HIPK2: variants seen among roughly 807,000 people sequenced by gnomAD.
HIPK2 encodes homeodomain interacting protein kinase 2.
Under a neutral mutation model 113.7 loss-of-function variants are expected in HIPK2, and 27 were observed. That is an observed-to-expected ratio of 0.24 (90% CI 0.17 to 0.33). The LOEUF is 0.33. Ranked by LOEUF, HIPK2 falls within the 10% of genes least tolerant of loss-of-function variation. HIPK2 has a pLI of 1.00. For synonymous variants in HIPK2, 631 were observed against 642.2 expected (o/e 0.98, Z 0.26); for missense variants, 1,257 against 1,588.0 (o/e 0.79, Z 3.54).
chr7:139,700,866 A>C (rs1293626399), intron 2 of HIPK2, among the ~76,000 whole-genome samples: 4 of 152,236 alleles, frequency 2.6e-5, no homozygotes, highest in African/African-American at 9.6e-5. Context: ...AGCCATGCAC[A>C]TAGTAGGTAT....
intron 1 of HIPK2, among the ~76,000 whole-genome samples, chr7:139,720,663 T>C (rs955446611): frequency 6.6e-6 from 1 of 152,348 alleles, no homozygotes; most frequent in Non-Finnish European, 1.5e-5. Flanking sequence ...GTATACAATA[T>C]AGAAATGACC....
chr7:139,748,188 ATCT>A (rs1287899466), intron 1 of HIPK2, among the ~76,000 whole-genome samples: 1 of 152,206 alleles, frequency 6.6e-6, no homozygotes, highest in Non-Finnish European at 1.5e-5. Flanking sequence ...TGGTCTGCCC[ATCT>A]GAGCCGCTTC....
chr7:139,651,776 T>C (rs1413310681), intron 2 of HIPK2, among the ~76,000 whole-genome samples: 2 of 152,222 alleles, frequency 1.3e-5, no homozygotes, highest in Non-Finnish European at 2.9e-5. Context: ...TCTTAGAACT[T>C]ACAAGGAATG....
chr7:139,586,835 A>G (rs960513299), intron 12 of HIPK2, among the ~76,000 whole-genome samples: 1 of 152,192 alleles, frequency 6.6e-6, no homozygotes, highest in African/African-American at 2.4e-5. Flanking sequence ...CCAGACACAA[A>G]AGGACAAATA....
Position 139,680,624 on chromosome 7 carries a change from G to T in HIPK2, c.1103+35308C>A, listed in dbSNP as rs565185490. Among the ~76,000 whole-genome samples, 10 of 152,344 alleles carry T rather than the reference G, an allele frequency of 6.6e-5. No individual in the cohort carries two copies. The South Asian group carries it at 2.1e-3, about 32-fold the overall frequency. On this transcript the variant is annotated intron_variant, in intron 2 of 14. Coordinates refer to ENST00000406875, the MANE Select transcript of HIPK2 (RefSeq NM_022740.5). ...ACTGGCTTGAAGAAATGCCTCAAATGTAGCAAATCATTTTTTAAAATTCAT... is the reference window on the plus strand; with the variant it reads ...ACTGGCTTGAAGAAATGCCTCAAATTTAGCAAATCATTTTTTAAAATTCAT...
intron 1 of HIPK2, among the ~76,000 whole-genome samples, chr7:139,740,580 G>A (rs535394499): frequency 2.6e-4 from 39 of 152,308 alleles, no homozygotes; most frequent in Admixed American, 7.2e-4. Context: ...GAGAAGACCC[G>A]GAGGGAGTGA....
chr7:139,697,227 C>T (rs1794592359), intron 2 of HIPK2, among the ~76,000 whole-genome samples: 1 of 152,208 alleles, frequency 6.6e-6, no homozygotes, highest in African/African-American at 2.4e-5. Context: ...GATAACACCA[C>T]CACTTCCATC....
At position 139,626,781 on chromosome 7, in the gene HIPK2, T is replaced by A. The variant is rs1345846635; in HGVS notation, c.1439A>T (p.Asn480Ile). The change falls in exon 6 of 15, where the codon AAC becomes ATC. Residue 480 changes from asparagine to isoleucine, a missense_variant. By Grantham distance (149) the Asn-to-Ile change is moderately radical. Transcript: ENST00000406875. ...GCTCCCTTCCAAATCTGTCGTCATG[T>A]TCACCTGGACGCAAGTAAGGACAGG... ...FNCLDDMAQV[N>I]MTTDLEGSDM... 6.2e-7 allele frequency: 1 copy of A among 1,613,984 alleles called. No individual in the cohort carries two copies. The highest frequency in any genetic ancestry group is 1.1e-5 in the South Asian group (1 of 91,080).
chr7:139,729,311 T>G (rs1396161165), intron 1 of HIPK2, among the ~76,000 whole-genome samples: 2 of 121,180 alleles, frequency 1.7e-5, no homozygotes, highest in African/African-American at 6.1e-5. Context: ...GGTGACAGAG[T>G]AGACCCTGTC....
intron 2 of HIPK2, among the ~76,000 whole-genome samples, chr7:139,682,456 C>G (rs550310848): frequency 6.6e-6 from 1 of 152,168 alleles, no homozygotes; most frequent in Non-Finnish European, 1.5e-5. Flanking sequence ...GATGTCAGTT[C>G]CACCTTCTTC....
rs1795019694 is a variant in HIPK2 at position 139,710,157 on chromosome 7, C to T, written c.1103+5775G>A. The stretch of plus-strand genomic sequence containing the variant: ...TTGTTCCAGAATTTACAATGGCTCC[C>T]AGCTCTGGCACTTTGGCTCAACCCA... On this transcript the variant is annotated intron_variant, in intron 2 of 14. Coordinates refer to ENST00000406875, the MANE Select transcript of HIPK2 (RefSeq NM_022740.5). Among the ~76,000 whole-genome samples, 3 of 152,260 alleles carry T rather than the reference C, an allele frequency of 2.0e-5. No individual in the cohort carries two copies. The South Asian group carries it at 6.2e-4, about 32-fold the overall frequency.
At position 139,600,271 on chromosome 7, in the gene HIPK2, T is replaced by G. The variant is rs1430384329; in HGVS notation, c.2435+146A>C. ...GCCAAACCAGGTGGTACAGGATGTTTTGCTAGTCACTGCAGGAAGAGGAGT... is the reference window on the plus strand; with the variant it reads ...GCCAAACCAGGTGGTACAGGATGTTGTGCTAGTCACTGCAGGAAGAGGAGT... On this transcript the variant is annotated intron_variant, in intron 11 of 14. Coordinates refer to ENST00000406875, the MANE Select transcript of HIPK2 (RefSeq NM_022740.5). 6.4e-6 allele frequency: 6 copies of G among 931,386 alleles called. No homozygotes were observed. In the African/African-American group the frequency reaches 1.0e-4, roughly 16 times the overall value. 57.7% of individuals were successfully genotyped at this position (931,386 alleles called of 1,614,324 possible).
rs1350240304 is a variant in HIPK2, at chr7:139,567,346, G to GTCAC, written c.*5577_*5580dup. 3 of 151,892 alleles carry GTCAC rather than the reference G, an allele frequency of 2.0e-5. No homozygotes were observed. The highest frequency in any genetic ancestry group is 4.4e-5 in the Non-Finnish European group (3 of 68,010). 9.4% of individuals were successfully genotyped at this position (151,892 alleles called of 1,614,324 possible). ...TCCCGATAGCAGCAGCATCGAAGGG[G>GTCAC]TCACCTCCACTCCTCTTAAAAGAAT... On this transcript the variant is annotated 3_prime_UTR_variant, in exon 15 of 15. Coordinates refer to ENST00000406875, the MANE Select transcript of HIPK2 (RefSeq NM_022740.5).
intron 1 of HIPK2, among the ~76,000 whole-genome samples, chr7:139,732,435 T>C (rs1795817278): frequency 6.6e-6 from 1 of 152,236 alleles, no homozygotes; most frequent in East Asian, 1.9e-4. Flanking sequence ...ATACTGGTTC[T>C]TGTAGCGGGG....
chr7:139,753,381 A>G (rs986478906), intron 1 of HIPK2, among the ~76,000 whole-genome samples: 2 of 152,192 alleles, frequency 1.3e-5, no homozygotes, highest in African/African-American at 4.8e-5. Flanking sequence ...GCCTTCCTAC[A>G]TGTCACACCA....
chr7:139,628,587 T>C (rs914357789), intron 5 of HIPK2, among the ~76,000 whole-genome samples: 1 of 152,032 alleles, frequency 6.6e-6, no homozygotes, highest in African/African-American at 2.4e-5. Context: ...GTGCTCACCA[T>C]CATGCCCAGC....
At chr7:139,616,170 C>T (rs1800038113) in intron 7 of HIPK2, among the ~76,000 whole-genome samples, 1 of 152,092 alleles carries the variant, frequency 6.6e-6, no homozygotes, top group Non-Finnish European at 1.5e-5. Flanking sequence ...TTCTTGCCAG[C>T]CACTGCTCCT....
At chr7:139,732,927 G>C (rs1246996126) in intron 1 of HIPK2, among the ~76,000 whole-genome samples, 2 of 151,736 alleles carry the variant, frequency 1.3e-5, no homozygotes. Context: ...TGGAGGTGGG[G>C]CCTGGTGGGA....
intron 1 of HIPK2, among the ~76,000 whole-genome samples, chr7:139,739,129 T>C (rs1415910596): frequency 6.6e-6 from 1 of 152,226 alleles, no homozygotes; most frequent in Non-Finnish European, 1.5e-5. Flanking sequence ...AGGGTTTCAC[T>C]ATGTTGTCCA....
Sources: gnomAD v4.1 joint callset for allele counts (sites outside exome capture counted in the v4.1 genomes callset) on GRCh38, gnomAD v4.1.1 for gene constraint, MANE v1.5 for transcripts, NCBI Gene and HGNC (gene_info 2026-07-23, HGNC 2026-07-21) for gene names.